Variants in CSRP2 observed in about 807,000 individuals in gnomAD.
CSRP2 encodes cysteine and glycine-rich protein 2.
Under a neutral mutation model 24.6 loss-of-function variants are expected in CSRP2, and 18 were observed. That is an observed-to-expected ratio of 0.73 (90% CI 0.51 to 1.09). The LOEUF (loss-of-function observed/expected upper bound fraction) is 1.09. Among genes scored for constraint, CSRP2 ranks in the 50% least tolerant of loss-of-function variants. The pLI is 0.00. For missense variants in CSRP2, 215 were observed against 239.4 expected, an observed-to-expected ratio of 0.90 and a Z score of 0.67; for synonymous variants, 87 against 84.3, an observed-to-expected ratio of 1.03 and a Z score of -0.18.
chr12:76,858,942 G>A lies in CSRP2; in HGVS notation c.*10C>T. On this transcript the variant is annotated 3_prime_UTR_variant, in exon 6 of 6. Transcript: ENST00000311083. The stretch of plus-strand genomic sequence containing the variant: ...TCTCAGTGTGTGATGTTTAGTTCAG[G>A]GTTTACATCTTACTGGGCATGAACA... 6.2e-7 allele frequency: 1 copy of A among 1,610,914 alleles called. No homozygotes were observed. The highest frequency in any genetic ancestry group is 8.5e-7 in the Non-Finnish European group (1 of 1,177,104).
At chr12:76,869,567 CA>C (rs1249741935) in intron 1 of CSRP2, among the ~76,000 whole-genome samples, 4 of 147,158 alleles carry the variant, frequency 2.7e-5, no homozygotes, top group African/African-American at 1.1e-4. Flanking sequence ...CACACACACA[CA>C]CACACACACA....
At chr12:76,878,698 A>T (rs189063028) in intron 1 of CSRP2, among the ~76,000 whole-genome samples, 489 of 152,382 alleles carry the variant, frequency 3.2e-3, no homozygotes, top group African/African-American at 0.01. Context: ...ATCCCAGGGC[A>T]TGGCCTGGAC....
At chr12:76,874,273 T>A (rs1403260600) in intron 1 of CSRP2, among the ~76,000 whole-genome samples, 2 of 152,210 alleles carry the variant, frequency 1.3e-5, no homozygotes, top group African/African-American at 4.8e-5. Context: ...GCCATGGAAA[T>A]ACCGCAGTAC....
rs770061489 is a variant in CSRP2 at position 76,860,393 on chromosome 12, G to A, written c.302C>T (p.Thr101Ile). Residue 101 changes from threonine to isoleucine, a missense_variant, in exon 4 of 6, where the codon ACA becomes ATA. Physicochemically the swap from Thr to Ile is moderately conservative, Grantham distance 89 (BLOSUM62 -1). Coordinates refer to ENST00000311083, the MANE Select transcript of CSRP2 (RefSeq NM_001321.3). ...AAATTTAGAAGTGTTTGGATTTGTT[G>A]TAGGCCTGTGAGGCTGAACACTTGT... ...KPESVQPHRP[T>I]TNPNTSKFAQ... The A allele has an allele frequency of 1.9e-6, 3 of 1,613,534 alleles. No homozygotes were observed. The highest frequency in any genetic ancestry group is 2.5e-6 in the Non-Finnish European group (3 of 1,179,862).
intron 1 of CSRP2, among the ~76,000 whole-genome samples, chr12:76,875,405 C>T (rs1487786707): frequency 6.6e-6 from 1 of 152,212 alleles, no homozygotes. Context: ...AAATTCGACA[C>T]AGATTTGAAT....
At chr12:76,878,764 C>T (rs941838084) in intron 1 of CSRP2, among the ~76,000 whole-genome samples, 174 bp downstream of exon 1, 1 of 152,178 alleles carries the variant, frequency 6.6e-6, no homozygotes. Flanking sequence ...AAATCTGGGG[C>T]GCAGGGATGA....
intron 1 of CSRP2, among the ~76,000 whole-genome samples, chr12:76,867,301 C>A (rs1307117714): frequency 7.1e-6 from 1 of 140,188 alleles, no homozygotes; most frequent in Non-Finnish European, 1.5e-5. Context: ...CCAGCCTGAC[C>A]AACATAGCGA....
chr12:76,869,535 C>CAT (rs2137832062), intron 1 of CSRP2, among the ~76,000 whole-genome samples: 1 of 94,326 alleles, frequency 1.1e-5, no homozygotes, highest in South Asian at 3.1e-4. Flanking sequence ...AAACAACACA[C>CAT]ACACACACAC....
At position 76,866,464 on chromosome 12, in the gene CSRP2, T is replaced by C. The variant is rs530001479; in HGVS notation, c.-1-203A>G. Among the ~76,000 whole-genome samples, 269 of 114,990 alleles carry C rather than the reference T, an allele frequency of 2.3e-3. 1 individual carries two copies. Among genetic ancestry groups the C allele is most frequent in the African/African-American group, 8.3e-3 (262 of 31,572 alleles). 75.4% of individuals were successfully genotyped at this position (114,990 alleles called of 152,430 possible). A position where few individuals can be genotyped will look rare whatever the true frequency, so the allele number is the denominator to read the frequency against. On this transcript the variant is annotated intron_variant, in intron 1 of 5. Coordinates refer to ENST00000311083, the MANE Select transcript of CSRP2 (RefSeq NM_001321.3). ...CTTTCATTAGGAAACTGGCTTGTCG[T>C]GCACAAGATTTTTTTTTTTTCCTGC...
rs868360912 is a variant in CSRP2, at chr12:76,869,583, T to C, written c.-1-3322A>G. On this transcript the variant is annotated intron_variant, in intron 1 of 5. Coordinates refer to ENST00000311083, the MANE Select transcript of CSRP2 (RefSeq NM_001321.3). ...ACACACACACACACACACACACCCC[T>C]GACTGGTATGGCTTGTTATCACTAA... Among the ~76,000 whole-genome samples the C allele has an allele frequency of 9.8e-4, 98 of 99,858 alleles. No individual in the cohort carries two copies. The South Asian group carries it at 0.01, about 10-fold the overall frequency. 65.5% of individuals were successfully genotyped at this position (99,858 alleles called of 152,430 possible).
intron 2 of CSRP2, 60 bp from the exon 3 acceptor site, chr12:76,863,404 A>G (rs1451872304): frequency 6.5e-7 from 1 of 1,537,414 alleles, no homozygotes; most frequent in African/African-American, 1.4e-5. Context: ...CCTTAGAACA[A>G]TGGTGGCACA....
chr12:76,870,003 C>G (rs932620163), intron 1 of CSRP2, among the ~76,000 whole-genome samples: 2 of 152,174 alleles, frequency 1.3e-5, no homozygotes, highest in African/African-American at 2.4e-5. Flanking sequence ...CCTCATGATT[C>G]CTGCAGAACC....
chr12:76,863,750 A>C (rs1953707474), intron 2 of CSRP2: 2 of 160,472 alleles, frequency 1.2e-5, no homozygotes, highest in African/African-American at 4.8e-5. Flanking sequence ...GGAATAAAAC[A>C]CCACCTTGCT....
rs73391844 is a variant in CSRP2 at position 76,874,911 on chromosome 12, T to A, written c.-2+4027A>T. On this transcript the variant is annotated intron_variant, in intron 1 of 5. Coordinates refer to ENST00000311083, the MANE Select transcript of CSRP2 (RefSeq NM_001321.3). ...GCCAAAACCATCCACCCACCATCCA[T>A]GAAAAAACTGTCTTCCACAAAACTG... Among the ~76,000 whole-genome samples the A allele has an allele frequency of 4.6e-3, 693 of 152,206 alleles. 2 individuals are homozygous for A. The highest frequency in any genetic ancestry group is 0.016 in the African/African-American group (653 of 41,520).
In CSRP2 at chr12:76,878,743, T is replaced by C. The variant is rs138249743; in HGVS notation, c.-2+195A>G. On this transcript the variant is annotated intron_variant, in intron 1 of 5. Transcript: ENST00000311083. ...GACAAGGGCAGGTGTGTTTGGGGGA[T>C]AAGAGAGAGAAAATCTGGGGCGCAG... 2.1e-3 allele frequency among the ~76,000 whole-genome samples: 320 copies of C among 152,024 alleles called. 2 individuals are homozygous for C. Among genetic ancestry groups the C allele is most frequent in the African/African-American group, 7.3e-3 (301 of 41,474 alleles).
In CSRP2 at chr12:76,859,544, T is replaced by C. The variant is rs1953654271; in HGVS notation, c.505+3A>G. On this transcript the variant is annotated splice_donor_region_variant and intron_variant, in intron 5 of 5. Transcript: ENST00000311083. ...GGACAGCAGTAACTGAAATGAATTT[T>C]ACCTTTACAATAGATTTCACCTTCT... 1 of 1,604,434 alleles carries C rather than the reference T, an allele frequency of 6.2e-7. No homozygotes were observed. The highest frequency in any genetic ancestry group is 8.5e-7 in the Non-Finnish European group (1 of 1,171,582).
chr12:76,870,975 CA>C (rs398020213), intron 1 of CSRP2, among the ~76,000 whole-genome samples: 3,065 of 56,806 alleles, frequency 0.054, 18 homozygotes, highest in South Asian at 0.096. Context: ...GACCCTGTCT[CA>C]AAAAAAAAAA....
At chr12:76,871,695 T>C (rs1018992233) in intron 1 of CSRP2, among the ~76,000 whole-genome samples, 20 of 147,444 alleles carry the variant, frequency 1.4e-4, no homozygotes, top group African/African-American at 3.3e-4. Flanking sequence ...ACCCAGGAGG[T>C]GGAGCTTGCA....
chr12:76,867,029 TAC>T (rs1424427342), intron 1 of CSRP2, among the ~76,000 whole-genome samples: 1 of 152,196 alleles, frequency 6.6e-6, no homozygotes, highest in Non-Finnish European at 1.5e-5. Context: ...GTTCCCTTCC[TAC>T]CAGTTGAACT....
Sources: allele counts gnomAD v4.1 joint callset (sites outside exome capture counted in the v4.1 genomes callset), GRCh38; gene constraint gnomAD v4.1.1; transcripts MANE v1.5; gene names NCBI Gene and HGNC (gene_info 2026-07-23, HGNC 2026-07-21).